TRDN: variants seen among roughly 807,000 people sequenced by gnomAD.
TRDN encodes the protein triadin, also known as triadin in skeletal muscle.
Under a neutral mutation model 149.7 loss-of-function variants are expected in TRDN, and 161 were observed. That is an observed-to-expected ratio of 1.08 (90% confidence interval 0.95 to 1.23). TRDN has a LOEUF of 1.23. Among genes scored for constraint, TRDN ranks in the 50% most tolerant of loss-of-function variants. TRDN has a pLI of 0.00. For missense variants in TRDN, 896 were observed against 823.5 expected (o/e 1.09, Z -1.08); for synonymous variants, 294 against 250.5 (o/e 1.17, Z -1.64).
chr6:123,531,686 C>T lies in TRDN; in HGVS notation c.425-1121G>A, dbSNP rs117025050. On this transcript the variant is annotated intron_variant, in intron 4 of 40. Transcript: ENST00000334268. Reference sequence around the variant, plus strand: ...GAACAGGTAAGGCACTCATTCTTGTCCCTGAAAACAATTCTCCAAAATGTA... The same window carrying T: ...GAACAGGTAAGGCACTCATTCTTGTTCCTGAAAACAATTCTCCAAAATGTA... Among the ~76,000 whole-genome samples the T allele has an allele frequency of 5.3e-5, 8 of 152,086 alleles. No individual in the cohort carries two copies. In the East Asian group the frequency reaches 1.5e-3, roughly 29 times the overall value.
intron 23 of TRDN, among the ~76,000 whole-genome samples, chr6:123,329,794 T>G (rs1464142126): frequency 6.6e-6 from 1 of 152,124 alleles, no homozygotes; most frequent in Non-Finnish European, 1.5e-5. Context: ...ATTTAAGGGC[T>G]GAATTTCTAA....
intron 7 of TRDN, among the ~76,000 whole-genome samples, chr6:123,505,625 G>A (rs961029013): frequency 1.3e-5 from 2 of 151,948 alleles, no homozygotes; most frequent in South Asian, 2.1e-4. Context: ...TTTAAGAAGG[G>A]GAATTATGAT....
intron 5 of TRDN, among the ~76,000 whole-genome samples, chr6:123,518,510 A>C (rs1039206456): frequency 2.0e-5 from 3 of 152,178 alleles, no homozygotes; most frequent in African/African-American, 7.2e-5. Flanking sequence ...TGTCTCTGTA[A>C]GGAATGAGGA....
chr6:123,273,002 A>G lies in TRDN; in HGVS notation c.1634T>C (p.Ile545Thr). 3 of 1,521,610 alleles carry G rather than the reference A, an allele frequency of 2.0e-6. No individual in the cohort carries two copies. The highest frequency in any genetic ancestry group is 2.6e-6 in the Non-Finnish European group (3 of 1,135,474). 94.3% of individuals were successfully genotyped at this position (1,521,610 alleles called of 1,614,324 possible). A position where few individuals can be genotyped will look rare whatever the true frequency, so the allele number is the denominator to read the frequency against. ...SEKVQIHKQD[I>T]VKPEKTVSHG... Reference sequence around the variant, plus strand: ...AGAAACAGTCTTTTCTGGTTTCACTATGTCTTGTTCTGAAAATAATAAAAA... The same window carrying G: ...AGAAACAGTCTTTTCTGGTTTCACTGTGTCTTGTTCTGAAAATAATAAAAA... Residue 545 changes from isoleucine (I) to threonine (T), a missense_variant, in exon 29 of 41, where the codon ATA (isoleucine) becomes ACA (threonine). Coordinates refer to ENST00000334268, the MANE Select transcript of TRDN (RefSeq NM_006073.4).
intron 24 of TRDN, among the ~76,000 whole-genome samples, chr6:123,303,442 C>T (rs779411905): frequency 2.0e-5 from 3 of 152,026 alleles, no homozygotes; most frequent in Non-Finnish European, 4.4e-5. Flanking sequence ...TAGAATAAAT[C>T]TATGCAACAA....
chr6:123,543,881 C>G (rs1400077137), intron 4 of TRDN, among the ~76,000 whole-genome samples: 1 of 151,908 alleles, frequency 6.6e-6, no homozygotes, highest in African/African-American at 2.4e-5. Flanking sequence ...TATTTTCATT[C>G]CACCTCTCTC....
intron 1 of TRDN, among the ~76,000 whole-genome samples, chr6:123,577,027 G>T (rs759847258): frequency 2.0e-5 from 3 of 152,028 alleles, no homozygotes; most frequent in Non-Finnish European, 4.4e-5. Context: ...ATTTACAGGA[G>T]TTAAAATAAG....
intron 14 of TRDN, among the ~76,000 whole-genome samples, chr6:123,384,114 C>A (rs901727941): frequency 2.0e-5 from 3 of 152,150 alleles, no homozygotes; most frequent in African/African-American, 7.2e-5. Context: ...TTTTCCTATT[C>A]ATTTTCTTCC....
At chr6:123,380,007 A>C (rs1187323312) in intron 16 of TRDN, among the ~76,000 whole-genome samples, 2 of 152,200 alleles carry the variant, frequency 1.3e-5, no homozygotes, top group Non-Finnish European at 2.9e-5. Flanking sequence ...CTCAAGATAA[A>C]AAATCCAAAT....
At chr6:123,543,638 C>T (rs1028738475) in intron 4 of TRDN, among the ~76,000 whole-genome samples, 2 of 151,994 alleles carry the variant, frequency 1.3e-5, no homozygotes, top group African/African-American at 4.8e-5. Flanking sequence ...TCCCTTCCTA[C>T]AAGTTCTAAA....
At chr6:123,272,624 C>G (rs891896492) in intron 29 of TRDN, among the ~76,000 whole-genome samples, 1 of 151,780 alleles carries the variant, frequency 6.6e-6, no homozygotes, top group African/African-American at 2.4e-5. Context: ...TTTTAATAAG[C>G]CAATCTGAAT....
chr6:123,564,635 T>C (rs1782188642), intron 2 of TRDN, among the ~76,000 whole-genome samples: 1 of 152,220 alleles, frequency 6.6e-6, no homozygotes, highest in South Asian at 2.1e-4. Context: ...CATCAGGAGA[T>C]GTCTGCAAGA....
intron 24 of TRDN, among the ~76,000 whole-genome samples, chr6:123,309,866 A>C (rs1366924463): frequency 6.6e-6 from 1 of 152,054 alleles, no homozygotes; most frequent in Admixed American, 6.6e-5. Flanking sequence ...CGATTATAAA[A>C]AGATAAAATT....
chr6:123,390,722 C>T (rs1782075865), intron 13 of TRDN, among the ~76,000 whole-genome samples: 1 of 152,102 alleles, frequency 6.6e-6, no homozygotes, highest in Admixed American at 6.6e-5. Context: ...TTCAGCTTGC[C>T]TGGTTCTAAT....
chr6:123,418,545 A>G (rs1334567109), intron 12 of TRDN: 1 of 152,100 alleles, frequency 6.6e-6, no homozygotes, highest in Non-Finnish European at 1.5e-5. Context: ...GATTTTCCAA[A>G]AGAACAAGTA....
At chr6:123,585,540 T>C (rs59550720) in intron 1 of TRDN, among the ~76,000 whole-genome samples, 76,074 of 151,958 alleles carry the variant, frequency 0.5, 19,262 homozygotes, top group East Asian at 0.58. Flanking sequence ...CCGAGGCGAT[T>C]GGGCAGCGTC....
chr6:123,360,693 G>A (rs78191570), intron 20 of TRDN, among the ~76,000 whole-genome samples: 2 of 140,200 alleles, frequency 1.4e-5, no homozygotes, highest in Non-Finnish European at 3.0e-5. Context: ...GTGGTAGAGA[G>A]ACAGAGAGAA....
chr6:123,361,999 T>C (rs1326220529), intron 20 of TRDN, among the ~76,000 whole-genome samples: 3 of 152,220 alleles, frequency 2.0e-5, no homozygotes, highest in Non-Finnish European at 4.4e-5. Context: ...ACTAGCACTT[T>C]GACTTAAATT....
chr6:123,364,229 C>T (rs1376868635), intron 20 of TRDN, among the ~76,000 whole-genome samples: 1 of 152,146 alleles, frequency 6.6e-6, no homozygotes, highest in African/African-American at 2.4e-5. Context: ...ATCCAGGCTC[C>T]CATTGATGCA....
Sources: gnomAD v4.1 joint callset for allele counts (sites outside exome capture counted in the v4.1 genomes callset) on GRCh38, gnomAD v4.1.1 for gene constraint, MANE v1.5 for transcripts, NCBI Gene and HGNC (gene_info 2026-07-23, HGNC 2026-07-21) for gene names.